The following NUP133 variants were observed in gnomAD, a reference collection of about 807,000 sequenced individuals.
The protein encoded by NUP133 is nucleoporin 133.
In NUP133, 66 loss-of-function variants were observed where a neutral mutation model predicts 146.2. That is an observed-to-expected ratio of 0.45 (90% CI 0.37 to 0.55). The LOEUF is 0.55. Ranked by LOEUF, NUP133 falls within the 20% of genes least tolerant of loss-of-function variation. The probability of loss-of-function intolerance (pLI) is 0.00; values close to 1 mark genes in which losing one functional copy is unlikely to be tolerated. For missense variants in NUP133, 1,277 were observed against 1,374.8 expected (o/e 0.93, Z 1.12); for synonymous variants, 521 against 498.8 (o/e 1.04, Z -0.59).
intron 24 of NUP133, among the ~76,000 whole-genome samples, chr1:229,448,164 C>T (rs943580925): frequency 7.9e-5 from 12 of 152,246 alleles, no homozygotes; most frequent in African/African-American, 2.9e-4. Context: ...CGTGGTGGCT[C>T]ACGCCTGTAA....
chr1:229,479,389 G>A (rs1661153500), intron 12 of NUP133, among the ~76,000 whole-genome samples: 1 of 152,234 alleles, frequency 6.6e-6, no homozygotes, highest in Admixed American at 6.5e-5. Context: ...ATATTGTTAC[G>A]GTTGTTTTAT....
chr1:229,452,882 G>A (rs1660486273), intron 21 of NUP133, among the ~76,000 whole-genome samples: 1 of 152,162 alleles, frequency 6.6e-6, no homozygotes. Flanking sequence ...ACGAGAAATA[G>A]GAGGGAAGAG....
chr1:229,479,416 C>A (rs1374338231), intron 12 of NUP133, among the ~76,000 whole-genome samples: 23 of 152,116 alleles, frequency 1.5e-4, no homozygotes, highest in Admixed American at 1.5e-3. Flanking sequence ...TGTTCTTAAT[C>A]TCTTAGGATG....
intron 15 of NUP133, among the ~76,000 whole-genome samples, chr1:229,470,366 G>C (rs1031663557): frequency 2.0e-5 from 3 of 152,022 alleles, no homozygotes; most frequent in African/African-American, 7.2e-5. Flanking sequence ...AAGTAAACAG[G>C]GAGCACTTCT....
intron 9 of NUP133, 25 bp downstream of exon 9, chr1:229,489,930 G>C (rs766790223): frequency 4.2e-5 from 65 of 1,532,470 alleles, no homozygotes; most frequent in Non-Finnish European, 5.7e-5. Flanking sequence ...TTATTGCTTT[G>C]TAATTTAACC....
At chr1:229,463,216 T>C (rs1313317189) in intron 19 of NUP133, among the ~76,000 whole-genome samples, 1 of 151,932 alleles carries the variant, frequency 6.6e-6, no homozygotes, top group Non-Finnish European at 1.5e-5. Context: ...TAGCGAGACT[T>C]TGTCTCTACT....
In NUP133 at chr1:229,449,958, C is replaced by A. The variant is rs1456693147; in HGVS notation, c.3180+567G>T. On this transcript the variant is annotated intron_variant, in intron 23 of 25. Transcript: ENST00000261396. ...TCAGTGGCATGATCTTGGCTCACTG[C>A]AACCTCTGCCTCCTGGATTCAAGAG... Among the ~76,000 whole-genome samples, 5 of 143,282 alleles carry A rather than the reference C, an allele frequency of 3.5e-5. No individual in the cohort carries two copies. In the Admixed American group the frequency reaches 3.6e-4, roughly 10 times the overall value. 94.0% of individuals were successfully genotyped at this position (143,282 alleles called of 152,430 possible). A position where few individuals can be genotyped will look rare whatever the true frequency, so the allele number is the denominator to read the frequency against.
At chr1:229,462,582 G>C (rs1660717070) in intron 19 of NUP133, among the ~76,000 whole-genome samples, 2 of 149,320 alleles carry the variant, frequency 1.3e-5, no homozygotes, top group South Asian at 4.2e-4. Context: ...TTTTTTTAAA[G>C]ATAGGTCTTC....
In NUP133 at chr1:229,464,794, T is replaced by A. The variant is rs377066365; in HGVS notation, c.2381A>T (p.Asp794Val). ...GGTCACGATGTTTCGGAGGTTGCTGTCTGCCTGTGGATAAGCCACCTTCAG... is the reference window on the plus strand; with the variant it reads ...GGTCACGATGTTTCGGAGGTTGCTGACTGCCTGTGGATAAGCCACCTTCAG... Reference protein sequence around the residue: ...IVLKVAYPQADSNLRNIVTEQ... With the variant: ...IVLKVAYPQAVSNLRNIVTEQ... Residue 794 changes from aspartate to valine, a missense_variant, in exon 18 of 26, where the codon GAC (aspartate) becomes GTC (valine). Asp to Val is a radical substitution (Grantham distance 152). This residue lies in a region of NUP133 where 952 missense variants were observed against 1,047.0 expected (regional missense o/e 0.91). Coordinates refer to ENST00000261396, the MANE Select transcript of NUP133 (RefSeq NM_018230.3). The A allele has an allele frequency of 1.2e-6, 2 of 1,614,124 alleles. No homozygotes were observed. The highest frequency in any genetic ancestry group is 1.7e-6 in the Non-Finnish European group (2 of 1,180,052).
chr1:229,463,458 C>T, intron 19 of NUP133, 85 bp downstream of exon 19: 1 of 1,389,606 alleles, frequency 7.2e-7, no homozygotes, highest in Non-Finnish European at 9.8e-7. Flanking sequence ...ATTCCAAAAG[C>T]CCTGATTACA....
intron 21 of NUP133, among the ~76,000 whole-genome samples, chr1:229,456,513 C>A (rs548397202): frequency 2.0e-5 from 3 of 152,230 alleles, no homozygotes; most frequent in African/African-American, 7.2e-5. Flanking sequence ...ACAGTGGGAG[C>A]TGTTCAAGGC....
At chr1:229,457,076 G>A (rs927991411) in intron 21 of NUP133, among the ~76,000 whole-genome samples, 4 of 151,460 alleles carry the variant, frequency 2.6e-5, no homozygotes, top group African/African-American at 9.7e-5. Context: ...ATCCTCCCAC[G>A]TCAGCCTCCC....
chr1:229,481,226 C>G (rs1228453066), intron 12 of NUP133, among the ~76,000 whole-genome samples: 2 of 152,116 alleles, frequency 1.3e-5, no homozygotes, highest in Non-Finnish European at 2.9e-5. Context: ...GATCAGGGGT[C>G]CCTTCTTGTG....
intron 14 of NUP133, among the ~76,000 whole-genome samples, chr1:229,472,732 A>ATATATATAT (rs1269410536): frequency 7.5e-5 from 11 of 146,738 alleles, no homozygotes; most frequent in Non-Finnish European, 1.1e-4. Context: ...ATATATGTAC[A>ATATATATAT]ATCATTCTAG....
intron 25 of NUP133, among the ~76,000 whole-genome samples, chr1:229,443,723 ATTTTTTTTT>A (rs71561738): frequency 8.6e-6 from 1 of 116,160 alleles, no homozygotes; most frequent in African/African-American, 3.7e-5. Context: ...CACATATATA[ATTTTTTTTT>A]TTTTTTTTTT....
chr1:229,489,066 G>T (rs985954912), intron 9 of NUP133, among the ~76,000 whole-genome samples: 1 of 152,076 alleles, frequency 6.6e-6, no homozygotes, highest in African/African-American at 2.4e-5. Context: ...TCTTCCTTTG[G>T]GTAAAAAGGA....
At chr1:229,453,497 T>A (rs947109786) in intron 21 of NUP133, among the ~76,000 whole-genome samples, 1 of 150,534 alleles carries the variant, frequency 6.6e-6, no homozygotes, top group African/African-American at 2.5e-5. Flanking sequence ...TCGAGAACTA[T>A]GAGAAATCAC....
rs1214513925 is a variant in NUP133, at chr1:229,486,467, A to G, written c.1404T>C (p.Ser468=). The part of the protein sequence containing the change: ...GGVPIIFSRN[S]GLVSITSREN... ...CCCTTGAAGTAATAGACACCAGTCC[A>G]CTGTTTCTAGAAAAAATGATAGGAA... Residue 468 remains serine (S), a synonymous_variant, in exon 11 of 26, where the codon AGT becomes AGC. Coordinates refer to ENST00000261396, the MANE Select transcript of NUP133 (RefSeq NM_018230.3). 2 of 1,611,124 alleles carry G rather than the reference A, an allele frequency of 1.2e-6. No homozygotes were observed. The highest frequency in any genetic ancestry group is 1.7e-5 in the Admixed American group (1 of 59,396).
intron 8 of NUP133, among the ~76,000 whole-genome samples, chr1:229,492,016 G>A (rs915189645): frequency 6.6e-6 from 1 of 151,952 alleles, no homozygotes; most frequent in Non-Finnish European, 1.5e-5. Flanking sequence ...AAGCTTATTT[G>A]TTCCTTAAGT....
Sources: gnomAD v4.1 joint callset for allele counts (sites outside exome capture counted in the v4.1 genomes callset) on GRCh38, gnomAD v4.1.1 for gene constraint, gnomAD v4.1.1 regional missense constraint, MANE v1.5 for transcripts, NCBI Gene and HGNC (gene_info 2026-07-23, HGNC 2026-07-21) for gene names.